LRMDA: variants seen among roughly 807,000 people sequenced by gnomAD.
LRMDA encodes the protein leucine-rich melanocyte differentiation-associated protein.
A neutral mutation model predicts 29.8 loss-of-function variants in LRMDA; 18 were observed. That is an observed-to-expected ratio of 0.60 (90% CI 0.42 to 0.90). LRMDA has a LOEUF of 0.90. LRMDA is among the 40% of genes least tolerant of loss of function. The probability of loss-of-function intolerance (pLI) is 0.00; values close to 1 mark genes in which losing one functional copy is unlikely to be tolerated. For synonymous variants in LRMDA, 125 were observed against 109.4 expected (o/e 1.14, Z -0.89); for missense variants, 273 against 273.9 (o/e 1.00, Z 0.02).
intron 5 of LRMDA, among the ~76,000 whole-genome samples, chr10:76,296,949 C>T (rs1840418594): frequency 6.6e-6 from 1 of 152,140 alleles, no homozygotes; most frequent in Admixed American, 6.6e-5. Context: ...ATCTCAAGTG[C>T]AAAGAAGTGG....
At chr10:75,930,312 C>G (rs763580520) in intron 2 of LRMDA, among the ~76,000 whole-genome samples, 19 of 151,296 alleles carry the variant, frequency 1.3e-4, no homozygotes, top group Non-Finnish European at 2.2e-4. Flanking sequence ...GAGCTTAGGC[C>G]TTTTATAGAT....
intron 2 of LRMDA, among the ~76,000 whole-genome samples, chr10:75,470,751 C>T (rs1844716524): frequency 6.6e-6 from 1 of 152,204 alleles, no homozygotes; most frequent in African/African-American, 2.4e-5. Context: ...TCCGTTGGAA[C>T]AGTCACGTCC....
At chr10:75,756,005 T>C (rs964299777) in intron 2 of LRMDA, among the ~76,000 whole-genome samples, 9 of 152,228 alleles carry the variant, frequency 5.9e-5, no homozygotes, top group Non-Finnish European at 2.9e-5. Context: ...TGTGGTGATA[T>C]GTACTAGATG....
intron 4 of LRMDA, among the ~76,000 whole-genome samples, chr10:76,055,063 CAAAAAAAAAAAAAA>C (rs531729040): frequency 3.9e-4 from 18 of 45,900 alleles, no homozygotes; most frequent in East Asian, 3.2e-3. Context: ...GACTCCATCT[CAAAAAAAAAAAAAA>C]AAAAAAAAAA....
At chr10:75,869,814 C>A (rs910999984) in intron 2 of LRMDA, among the ~76,000 whole-genome samples, 1 of 152,152 alleles carries the variant, frequency 6.6e-6, no homozygotes, top group Non-Finnish European at 1.5e-5. Flanking sequence ...GCTTTTCTGT[C>A]CTGTCTCCTC....
At chr10:75,546,263 T>A (rs1840080261) in intron 2 of LRMDA, among the ~76,000 whole-genome samples, 1 of 152,128 alleles carries the variant, frequency 6.6e-6, no homozygotes, top group African/African-American at 2.4e-5. Flanking sequence ...AGATGGTGGG[T>A]GAGGACAGTG....
intron 2 of LRMDA, among the ~76,000 whole-genome samples, chr10:75,655,669 G>T (rs568805399): frequency 6.6e-6 from 1 of 152,200 alleles, no homozygotes; most frequent in Non-Finnish European, 1.5e-5. Flanking sequence ...TGTGGAGAGA[G>T]GCAGTATGCT....
At chr10:75,639,495 A>G (rs540939317) in intron 2 of LRMDA, among the ~76,000 whole-genome samples, 1 of 152,210 alleles carries the variant, frequency 6.6e-6, no homozygotes, top group South Asian at 2.1e-4. Context: ...AGTCTCTATT[A>G]TGGCAAATGG....
intron 6 of LRMDA, among the ~76,000 whole-genome samples, chr10:76,540,165 CG>C (rs112010562): frequency 0.4 from 59,780 of 150,972 alleles, 12,513 homozygotes; most frequent in African/African-American, 0.5. Context: ...CACACATGCA[CG>C]CAAAACATGC....
chr10:76,369,770 A>C (rs1237962364), intron 6 of LRMDA, among the ~76,000 whole-genome samples: 3 of 152,072 alleles, frequency 2.0e-5, no homozygotes, highest in Admixed American at 2.0e-4. Context: ...CATTTTTGTA[A>C]AATGCTGCAA....
intron 6 of LRMDA, among the ~76,000 whole-genome samples, chr10:76,333,989 A>G (rs1840936551): frequency 6.6e-6 from 1 of 152,194 alleles, no homozygotes; most frequent in South Asian, 2.1e-4. Flanking sequence ...CCATTCATGC[A>G]TGAACTCTAA....
intron 2 of LRMDA, among the ~76,000 whole-genome samples, chr10:75,727,619 T>C (rs995588013): frequency 6.6e-6 from 1 of 152,180 alleles, no homozygotes; most frequent in African/African-American, 2.4e-5. Flanking sequence ...TTCTTTAACG[T>C]GACAATGCAA....
At chr10:76,014,197 TTTAC>T (rs1265349356) in intron 2 of LRMDA, among the ~76,000 whole-genome samples, 1 of 145,958 alleles carries the variant, frequency 6.9e-6, no homozygotes, top group Non-Finnish European at 1.5e-5. Flanking sequence ...TGCCTATTCA[TTTAC>T]ATATTGTCTA....
intron 5 of LRMDA, among the ~76,000 whole-genome samples, chr10:76,097,678 A>G (rs1463205244): frequency 5.3e-5 from 8 of 152,158 alleles, no homozygotes; most frequent in African/African-American, 1.9e-4. Flanking sequence ...AGGTGAGTAT[A>G]TAGTTTATTT....
chr10:76,225,091 C>T (rs567902073), intron 5 of LRMDA, among the ~76,000 whole-genome samples: 11 of 152,098 alleles, frequency 7.2e-5, no homozygotes, highest in South Asian at 2.1e-4. Flanking sequence ...AAATATTTGA[C>T]GCCGCCAAAT....
intron 5 of LRMDA, among the ~76,000 whole-genome samples, chr10:76,137,144 T>A (rs1850110103): frequency 6.6e-6 from 1 of 152,210 alleles, no homozygotes; most frequent in African/African-American, 2.4e-5. Flanking sequence ...TAGTTCCTGT[T>A]CAATTCCCAA....
intron 6 of LRMDA, among the ~76,000 whole-genome samples, chr10:76,404,911 G>A (rs1841887207): frequency 6.6e-6 from 1 of 152,178 alleles, no homozygotes; most frequent in Admixed American, 6.5e-5. Flanking sequence ...AGAAATAGAA[G>A]TTGGAGTGAT....
In LRMDA at chr10:75,618,394, A is replaced by C. The variant is rs1032156420; in HGVS notation, c.131+179900A>C. On this transcript the variant is annotated intron_variant, in intron 2 of 6. Transcript: ENST00000611255. ...TCTCTCTCTCTCTCTATATATATATATATATATATATATCAGACTATATAT... is the reference window on the plus strand; with the variant it reads ...TCTCTCTCTCTCTCTATATATATATCTATATATATATATCAGACTATATAT... Among the ~76,000 whole-genome samples, 729 of 145,628 alleles carry C rather than the reference A, an allele frequency of 5.0e-3. 7 individuals are homozygous for C. The highest frequency in any genetic ancestry group is 0.017 in the African/African-American group (696 of 39,832).
At chr10:76,336,039 A>G (rs1840963982) in intron 6 of LRMDA, among the ~76,000 whole-genome samples, 1 of 128,308 alleles carries the variant, frequency 7.8e-6, no homozygotes, top group African/African-American at 3.6e-5. Flanking sequence ...GAGGCTTAGA[A>G]TTTTATTTTT....
Sources: gnomAD v4.1 joint callset for allele counts (sites outside exome capture counted in the v4.1 genomes callset) on GRCh38, gnomAD v4.1.1 for gene constraint, MANE v1.5 for transcripts, NCBI Gene and HGNC (gene_info 2026-07-23, HGNC 2026-07-21) for gene names.